PARD6G: variants seen among roughly 807,000 people sequenced by gnomAD.
The protein encoded by PARD6G is partitioning defective 6 homolog gamma.
Under a neutral mutation model 10.7 loss-of-function variants are expected in PARD6G, and 7 were observed. That is an observed-to-expected ratio of 0.66 (90% confidence interval 0.37 to 1.23). PARD6G has a LOEUF of 1.23. Among genes scored for constraint, PARD6G ranks in the 50% most tolerant of loss-of-function variants. The pLI is 0.02. For missense variants in PARD6G, 548 were observed against 571.8 expected (o/e 0.96, Z 0.42); for synonymous variants, 287 against 269.4 (o/e 1.07, Z -0.64).
At chr18:80,187,432 CAT>C (rs1175970940) in intron 2 of PARD6G, among the ~76,000 whole-genome samples, 1 of 152,364 alleles carries the variant, frequency 6.6e-6, no homozygotes, top group East Asian at 1.9e-4. Context: ...ACTGTGGACA[CAT>C]GTAACCATGA....
chr18:80,215,717 G>C (rs1390292349), intron 1 of PARD6G, among the ~76,000 whole-genome samples: 4 of 152,098 alleles, frequency 2.6e-5, no homozygotes, highest in Admixed American at 2.6e-4. Flanking sequence ...AGAGCAAAAT[G>C]ATGAGACAGA....
chr18:80,162,897 G>A (rs1209498002), intron 2 of PARD6G, among the ~76,000 whole-genome samples: 3 of 152,134 alleles, frequency 2.0e-5, no homozygotes, highest in African/African-American at 7.2e-5. Context: ...CCGCAGGTTT[G>A]GACTAACCAA....
intron 2 of PARD6G, among the ~76,000 whole-genome samples, chr18:80,172,735 G>A (rs1485362296): frequency 2.0e-5 from 3 of 152,204 alleles, no homozygotes; most frequent in Non-Finnish European, 4.4e-5. Flanking sequence ...CCGAATAAGA[G>A]TCTCTTCTAA....
At position 80,181,330 on chromosome 18, in the gene PARD6G, G is replaced by A. The variant is rs1002467271; in HGVS notation, c.296-20724C>T. On this transcript the variant is annotated intron_variant, in intron 2 of 2. Transcript: ENST00000353265. This position sits in a 1 kb window ranked among gnomAD's most constrained non-coding sequence, Gnocchi z 7.9. ...CGATGTCCCCAGCTGGGATGTCTGC[G>A]GAAGCTGTGGTCCCGATGCCACACA... Among the ~76,000 whole-genome samples the A allele has an allele frequency of 2.0e-5, 3 of 152,172 alleles. No individual in the cohort carries two copies. The highest frequency in any genetic ancestry group is 6.5e-5 in the Admixed American group (1 of 15,276).
intron 1 of PARD6G, among the ~76,000 whole-genome samples, chr18:80,210,648 A>T (rs899829570): frequency 3.3e-5 from 5 of 152,126 alleles, no homozygotes; most frequent in Admixed American, 6.6e-5. Context: ...ATCAAAGTTT[A>T]AAAAAAAGTT....
chr18:80,167,710 G>A (rs12967805), intron 2 of PARD6G, among the ~76,000 whole-genome samples: 16,167 of 152,032 alleles, frequency 0.11, 1,118 homozygotes, highest in Middle Eastern at 0.16. Flanking sequence ...TAAGATGAAC[G>A]CCCAGGGGAT....
rs1390506547 is a variant in PARD6G at position 80,189,965 on chromosome 18, C to T, written c.295+12745G>A. ...TTTAGTATATTCAGTGTTGTGTAAC[C>T]ACCACCACCACCTAATTCTGGAACA... is the stretch of plus-strand genomic sequence containing the variant. On this transcript the variant is annotated intron_variant, in intron 2 of 2. Coordinates refer to ENST00000353265, the MANE Select transcript of PARD6G (RefSeq NM_032510.4). The surrounding 1 kb of genome is among the most constrained non-coding windows in gnomAD (Gnocchi z 5.5). Among the ~76,000 whole-genome samples the T allele has an allele frequency of 6.6e-6, 1 of 151,930 alleles. No individual in the cohort carries two copies. Among genetic ancestry groups the T allele is most frequent in the Non-Finnish European group, 1.5e-5 (1 of 68,018 alleles).
At chr18:80,214,593 C>A (rs932329173) in intron 1 of PARD6G, among the ~76,000 whole-genome samples, 6 of 152,046 alleles carry the variant, frequency 3.9e-5, no homozygotes, top group African/African-American at 1.4e-4. Context: ...TCAGTAGAGG[C>A]ACTCAACAGC....
intron 1 of PARD6G, among the ~76,000 whole-genome samples, chr18:80,236,573 C>T (rs577206759): frequency 7.2e-5 from 11 of 152,308 alleles, no homozygotes; most frequent in Middle Eastern, 3.4e-3. Context: ...TCCCCGTTTG[C>T]AGATGACATG....
intron 1 of PARD6G, among the ~76,000 whole-genome samples, chr18:80,239,023 T>TA (rs1967460158): frequency 6.6e-6 from 1 of 152,050 alleles, no homozygotes; most frequent in Non-Finnish European, 1.5e-5. Flanking sequence ...GCTACACATG[T>TA]ATCTCAAAAC....
At chr18:80,227,344 C>T (rs947593743) in intron 1 of PARD6G, among the ~76,000 whole-genome samples, 1 of 152,224 alleles carries the variant, frequency 6.6e-6, no homozygotes, top group African/African-American at 2.4e-5. Context: ...GGTTTGAGCA[C>T]AAAGTCATGA....
intron 1 of PARD6G, among the ~76,000 whole-genome samples, chr18:80,219,667 T>G (rs1222518914): frequency 6.6e-6 from 1 of 152,184 alleles, no homozygotes; most frequent in Non-Finnish European, 1.5e-5. Flanking sequence ...AGGGACAAAA[T>G]GCCGCCAGTC....
In PARD6G at chr18:80,159,876, G is replaced by A. The variant is rs1182026773; in HGVS notation, c.1026C>T (p.Asp342=). 6.6e-7 allele frequency: 1 copy of A among 1,514,146 alleles called. No individual in the cohort carries two copies. Among genetic ancestry groups the A allele is most frequent in the Non-Finnish European group, 8.8e-7 (1 of 1,136,892 alleles). The allele number at this position is 1,514,146 out of a possible 1,614,324, so 93.8% of individuals were successfully genotyped here. Residue 342 remains aspartate (D), a synonymous_variant, in exon 3 of 3, where the codon GAC becomes GAT. Coordinates refer to ENST00000353265, the MANE Select transcript of PARD6G (RefSeq NM_032510.4). ...AQRLQRDLAL[D]GGLQRLLSSL... ...AGCTGAGCAGCCGCTGGAGGCCGCC[G>A]TCCAGGGCCAGGTCCCGCTGCAGCC...
At position 80,184,737 on chromosome 18, in the gene PARD6G, C is replaced by T. The variant is rs1470173154; in HGVS notation, c.295+17973G>A. ...TTCCTTTCACGTGAAATTTCCAGAA[C>T]AGGGAAATGCAGAGCGACAGAAAGC... On this transcript the variant is annotated intron_variant, in intron 2 of 2. Transcript: ENST00000353265. The surrounding 1 kb of genome is among the most constrained non-coding windows in gnomAD (Gnocchi z 4.5). 2.0e-5 allele frequency: 3 copies of T among 152,134 alleles called. No homozygotes were observed. The highest frequency in any genetic ancestry group is 2.1e-4 in the South Asian group (1 of 4,812). 9.4% of individuals were successfully genotyped at this position (152,134 alleles called of 1,614,324 possible). A position where few individuals can be genotyped will look rare whatever the true frequency, so the allele number is the denominator to read the frequency against.
In PARD6G at chr18:80,247,319, G is replaced by A. The variant is rs1967565468; in HGVS notation, c.30C>T (p.Thr10=). MNRSFHKSQ[T]LRFYDCSAVE... ...CTGCGCTGCAATCGTAGAATCGCAA[G>A]GTCTGAGACTTGTGAAAACTTCGGT... Residue 10 remains threonine (T), a synonymous_variant, in exon 1 of 3, where the codon ACC becomes ACT. Transcript: ENST00000353265. The surrounding 1 kb of genome is among the most constrained non-coding windows in gnomAD (Gnocchi z 4.2). 3 of 1,581,042 alleles carry A rather than the reference G, an allele frequency of 1.9e-6. No homozygotes were observed. Among genetic ancestry groups the A allele is most frequent in the Non-Finnish European group, 2.6e-6 (3 of 1,164,316 alleles).
chr18:80,236,824 A>G (rs1467639293), intron 1 of PARD6G, among the ~76,000 whole-genome samples: 1 of 152,200 alleles, frequency 6.6e-6, no homozygotes, highest in African/African-American at 2.4e-5. Flanking sequence ...GGAGAACTAC[A>G]AACCACTGCT....
intron 2 of PARD6G, chr18:80,170,805 AG>A (rs1479248644): frequency 2.0e-5 from 3 of 152,332 alleles, no homozygotes; most frequent in African/African-American, 7.2e-5. Context: ...AACTTACTTT[AG>A]GGTCCTGTTT....
At chr18:80,196,890 TAAAAAAAAAAAA>T (rs572719232) in intron 2 of PARD6G, among the ~76,000 whole-genome samples, 19 of 88,018 alleles carry the variant, frequency 2.2e-4, no homozygotes, top group African/African-American at 5.7e-4. Context: ...TTTCTTTTAT[TAAAAAAAAAAAA>T]AAAAAAAAAA....
In PARD6G at chr18:80,246,576, T is replaced by A. The variant is rs1266004242; in HGVS notation, c.72+701A>T. Reference sequence around the variant, plus strand: ...GGCGCGCCCGGGGGAGTGGGCTGGGTCTGGGGCGGGGGCGCGTCCGGAGGT... The same window carrying A: ...GGCGCGCCCGGGGGAGTGGGCTGGGACTGGGGCGGGGGCGCGTCCGGAGGT... On this transcript the variant is annotated intron_variant, in intron 1 of 2. Transcript: ENST00000353265. This position sits in a 1 kb window ranked among gnomAD's most constrained non-coding sequence, Gnocchi z 6.7. 8.8e-6 allele frequency among the ~76,000 whole-genome samples: 1 copy of A among 113,370 alleles called. No homozygotes were observed. Among genetic ancestry groups the A allele is most frequent in the Non-Finnish European group, 1.8e-5 (1 of 54,720 alleles). 74.4% of individuals were successfully genotyped at this position (113,370 alleles called of 152,430 possible). A position where few individuals can be genotyped will look rare whatever the true frequency, so the allele number is the denominator to read the frequency against.
Sources: gnomAD v4.1 joint callset for allele counts (sites outside exome capture counted in the v4.1 genomes callset) on GRCh38, gnomAD v4.1.1 for gene constraint, Gnocchi (gnomAD v3.1) non-coding constraint, MANE v1.5 for transcripts, NCBI Gene and HGNC (gene_info 2026-07-23, HGNC 2026-07-21) for gene names.